DSG3: variants seen among roughly 807,000 people sequenced by gnomAD.
The protein encoded by DSG3 is desmoglein-3.
A neutral mutation model predicts 85.9 loss-of-function variants in DSG3; 63 were observed. That is an observed-to-expected ratio of 0.73 (90% CI 0.60 to 0.90). DSG3 has a LOEUF of 0.90. Ranked by LOEUF, DSG3 falls within the 40% of genes least tolerant of loss-of-function variation. The pLI is 0.00. For missense variants in DSG3, 1,220 were observed against 1,219.9 expected, an observed-to-expected ratio of 1.00 and a Z score of 0.00; for synonymous variants, 447 against 441.9, an observed-to-expected ratio of 1.01 and a Z score of -0.14.
chr18:31,457,592 CT>C (rs746014603), intron 3 of DSG3, among the ~76,000 whole-genome samples: 886 of 47,704 alleles, frequency 0.019, 3 homozygotes, highest in Non-Finnish European at 0.027. Flanking sequence ...TTTCTTCTTT[CT>C]TTCTTTCTTT....
At chr18:31,468,561 AT>A (rs1414864021) in intron 11 of DSG3, among the ~76,000 whole-genome samples, 1 of 152,214 alleles carries the variant, frequency 6.6e-6, no homozygotes, top group African/African-American at 2.4e-5. Context: ...TGAACCCATT[AT>A]AGCCCTCATC....
In DSG3 at chr18:31,472,460, C is replaced by T. The variant is rs768081908; in HGVS notation, c.2037+37C>T. 5 of 1,586,728 alleles carry T rather than the reference C, an allele frequency of 3.2e-6. No individual in the cohort carries two copies. In the South Asian group the frequency reaches 5.8e-5, roughly 18 times the overall value. ...GTTCATAAATTATGTATTTCAATTA[C>T]ATAGAGAAAATGTTTGATTTACATT... is the stretch of plus-strand genomic sequence containing the variant. On this transcript the variant is annotated intron_variant, in intron 13 of 15. Transcript: ENST00000257189.
chr18:31,452,445 G>C (rs1441768952), intron 1 of DSG3, among the ~76,000 whole-genome samples: 1 of 149,024 alleles, frequency 6.7e-6, no homozygotes, highest in Non-Finnish European at 1.5e-5. Flanking sequence ...CTTGAACCCG[G>C]GAGGCAGAAC....
intron 10 of DSG3, among the ~76,000 whole-genome samples, chr18:31,466,166 C>G (rs2072817204): frequency 6.6e-6 from 1 of 151,882 alleles, no homozygotes; most frequent in Non-Finnish European, 1.5e-5. Flanking sequence ...AAAATGTGTG[C>G]TTTAGAAGCA....
chr18:31,467,550 C>G (rs1463541685), intron 11 of DSG3, among the ~76,000 whole-genome samples: 1 of 152,160 alleles, frequency 6.6e-6, no homozygotes, highest in Non-Finnish European at 1.5e-5. Flanking sequence ...AACCCATTAT[C>G]CAACAGGGAG....
At position 31,464,163 on chromosome 18, in the gene DSG3, AC is replaced by A; in HGVS notation, c.1053del (p.Asn351LysfsTer24). ...QSVKLSIAVK[N>X]KAEFHQSVIS... ...GTGAAACTTAGTATTGCTGTCAAAA[AC>A]AAAGCTGAATTTCACCAATCAGTTA... On this transcript the variant is annotated frameshift_variant, in exon 9 of 16. Transcript: ENST00000257189. LOFTEE classifies it high-confidence loss of function. The A allele has an allele frequency of 6.2e-7, 1 of 1,614,102 alleles. No individual in the cohort carries two copies. The highest frequency in any genetic ancestry group is 1.1e-5 in the South Asian group (1 of 91,080).
chr18:31,451,899 G>A (rs1031802297), intron 1 of DSG3, among the ~76,000 whole-genome samples: 3 of 152,172 alleles, frequency 2.0e-5, no homozygotes, highest in African/African-American at 7.2e-5. Flanking sequence ...GGTAGCCTAA[G>A]GTGAGGCCTT....
Position 31,460,183 on chromosome 18 carries a change from G to A in DSG3, c.684+172G>A, listed in dbSNP as rs531153409. Among the ~76,000 whole-genome samples, 49 of 152,296 alleles carry A rather than the reference G, an allele frequency of 3.2e-4. 1 individual carries two copies. Among genetic ancestry groups the A allele is most frequent in the African/African-American group, 1.1e-3 (45 of 41,562 alleles). ...TTTTTAAGTGTGATTCTGGTGAGGCGAGATGTGTACCGGGCACCTGCAGAA... is the reference window on the plus strand; with the variant it reads ...TTTTTAAGTGTGATTCTGGTGAGGCAAGATGTGTACCGGGCACCTGCAGAA... On this transcript the variant is annotated intron_variant, in intron 6 of 15. Transcript: ENST00000257189.
Position 31,461,313 on chromosome 18 carries a change from T to C in DSG3, c.900T>C (p.Asn300=), listed in dbSNP as rs774745706. Reference sequence around the variant, plus strand: ...ATTTGGATGAAGAGTACACAGATAATTGGCTTGCAGTATATTTCTTTACCT... The same window carrying C: ...ATTTGGATGAAGAGTACACAGATAACTGGCTTGCAGTATATTTCTTTACCT... ...VTDLDEEYTD[N]WLAVYFFTSG... is the part of the protein sequence containing the mutation. Residue 300 remains asparagine (N), a synonymous_variant, in exon 8 of 16, where the codon AAT becomes AAC. Coordinates refer to ENST00000257189, the MANE Select transcript of DSG3 (RefSeq NM_001944.3). 3 of 1,613,574 alleles carry C rather than the reference T, an allele frequency of 1.9e-6. No homozygotes were observed. The highest frequency in any genetic ancestry group is 2.5e-6 in the Non-Finnish European group (3 of 1,179,654).
Position 31,458,583 on chromosome 18 carries a change from G to C in DSG3, c.355G>C (p.Glu119Gln). 6.2e-7 allele frequency: 1 copy of C among 1,613,284 alleles called. No individual in the cohort carries two copies. ...CATAACAGCTATAGTCGACCGGGAGGAAACTCCAAGCTTCCTGGTAAGTTT... is the reference window on the plus strand; with the variant it reads ...CATAACAGCTATAGTCGACCGGGAGCAAACTCCAAGCTTCCTGGTAAGTTT... ...INITAIVDREETPSFLITCRA... is the reference protein window; with the variant it reads ...INITAIVDREQTPSFLITCRA... Residue 119 changes from glutamate (E) to glutamine (Q), a missense_variant, in exon 4 of 16, where the codon GAA becomes CAA. Transcript: ENST00000257189.
intron 4 of DSG3, 85 bp from the exon 5 acceptor site, chr18:31,458,948 G>A (rs934855991): frequency 1.1e-5 from 16 of 1,465,988 alleles, no homozygotes; most frequent in Middle Eastern, 1.8e-4. Flanking sequence ...TGATGTCCAT[G>A]CCAACAGAGG....
At position 31,460,027 on chromosome 18, in the gene DSG3, TGGGG is replaced by T; in HGVS notation, c.684+18_684+21del. 6.3e-7 allele frequency: 1 copy of T among 1,599,802 alleles called. No homozygotes were observed. The highest frequency in any genetic ancestry group is 8.5e-7 in the Non-Finnish European group (1 of 1,172,426). On this transcript the variant is annotated intron_variant, in intron 6 of 15. Transcript: ENST00000257189. ...TGACCGAGAGGTACAGCAAAGCACT[TGGGG>T]GAACATTCAAGATTAAAGGGTTTGA...
In DSG3 at chr18:31,475,916, C is replaced by T. The variant is rs967778338; in HGVS notation, c.2656C>T (p.His886Tyr). 4 of 1,614,174 alleles carry T rather than the reference C, an allele frequency of 2.5e-6. No homozygotes were observed. Among genetic ancestry groups the T allele is most frequent in the Non-Finnish European group, 2.5e-6 (3 of 1,180,042 alleles). The change falls in exon 16 of 16, where the codon CAT becomes TAT. Residue 886 changes from histidine to tyrosine, a missense_variant. By Grantham distance (83) the His-to-Tyr change is moderately conservative. Coordinates refer to ENST00000257189, the MANE Select transcript of DSG3 (RefSeq NM_001944.3). Reference sequence around the variant, plus strand: ...CGGTTATGGGATTGAATCCTGTGGCCATCCCATAGAAGTCCAGCAGACAGG... The same window carrying T: ...CGGTTATGGGATTGAATCCTGTGGCTATCCCATAGAAGTCCAGCAGACAGG... ...DSGYGIESCGHPIEVQQTGFV... is the reference protein window; with the variant it reads ...DSGYGIESCGYPIEVQQTGFV...
chr18:31,457,570 TTTCTTTCTTTCTTTC>T (rs1373995244), intron 3 of DSG3, among the ~76,000 whole-genome samples: 17 of 94,518 alleles, frequency 1.8e-4, no homozygotes, highest in Middle Eastern at 4.6e-3. Flanking sequence ...TCTTTCTTTC[TTTCTTTCTTTCTTTC>T]TTCTTTCTTT....
chr18:31,474,265 T>C lies in DSG3; in HGVS notation c.2246T>C (p.Phe749Ser), dbSNP rs771845324. ...TGTVSGAASG[F>S]GAATGVGICS... ...ACAGTGTCAGGAGCTGCTTCAGGAT[T>C]CGGAGCAGCCACTGGAGTTGGCATC... The change falls in exon 15 of 16, where the codon TTC becomes TCC. Residue 749 changes from phenylalanine (F) to serine (S), a missense_variant. By Grantham distance (155) the Phe-to-Ser change is radical. Coordinates refer to ENST00000257189, the MANE Select transcript of DSG3 (RefSeq NM_001944.3). 1 of 1,614,040 alleles carries C rather than the reference T, an allele frequency of 6.2e-7. No homozygotes were observed. Among genetic ancestry groups the C allele is most frequent in the Non-Finnish European group, 8.5e-7 (1 of 1,180,040 alleles).
In DSG3 at chr18:31,460,900, G is replaced by C; in HGVS notation, c.752G>C (p.Cys251Ser). 6.2e-7 allele frequency: 1 copy of C among 1,605,514 alleles called. No individual in the cohort carries two copies. The highest frequency in any genetic ancestry group is 8.5e-7 in the Non-Finnish European group (1 of 1,177,206). The change falls in exon 7 of 16, where the codon TGT (cysteine) becomes TCT (serine). Residue 251 changes from cysteine (C) to serine (S), a missense_variant. Coordinates refer to ENST00000257189, the MANE Select transcript of DSG3 (RefSeq NM_001944.3). The part of the protein sequence containing the change: ...DKDGEGLSTQ[C>S]ECNIKVKDVN... ...GATGGAGAAGGACTATCAACTCAATGTGAATGTAATATTAAAGTGAAAGAT... is the reference window on the plus strand; with the variant it reads ...GATGGAGAAGGACTATCAACTCAATCTGAATGTAATATTAAAGTGAAAGAT...
intron 5 of DSG3, 144 bp downstream of exon 5, chr18:31,459,321 G>T: frequency 3.8e-6 from 3 of 789,612 alleles, no homozygotes; most frequent in Admixed American, 3.3e-5. Flanking sequence ...GATAAATCTG[G>T]GTCTTCCTTT....
At position 31,464,208 on chromosome 18, in the gene DSG3, A is replaced by C. The variant is rs755798646; in HGVS notation, c.1097A>C (p.Gln366Pro). 1 of 1,614,086 alleles carries C rather than the reference A, an allele frequency of 6.2e-7. No homozygotes were observed. The highest frequency in any genetic ancestry group is 8.5e-7 in the Non-Finnish European group (1 of 1,180,036). The stretch of plus-strand genomic sequence containing the variant: ...TCAGTTATCTCTCGATACCGAGTTC[A>C]GTCAACCCCAGTCACAATTCAGGTA... ...HQSVISRYRV[Q>P]STPVTIQVIN... Residue 366 changes from glutamine to proline, a missense_variant, in exon 9 of 16, where the codon CAG becomes CCG. Gln to Pro is a moderately conservative substitution (Grantham distance 76). Coordinates refer to ENST00000257189, the MANE Select transcript of DSG3 (RefSeq NM_001944.3).
rs3794925 is a variant in DSG3 at position 31,467,004 on chromosome 18, T to C, written c.1636+250T>C. On this transcript the variant is annotated intron_variant, in intron 11 of 15. Transcript: ENST00000257189. ...TCGTTTGATATTTTAACATTTTAAA[T>C]CTGTTTATTTCTACTTCCATAGTGC... Among the ~76,000 whole-genome samples the C allele has an allele frequency of 0.27, 41,676 of 152,084 alleles. 5,832 individuals are homozygous for C. The highest frequency in any genetic ancestry group is 0.3 in the Middle Eastern group (89 of 294).
Sources: gnomAD v4.1 joint callset for allele counts (sites outside exome capture counted in the v4.1 genomes callset) on GRCh38, gnomAD v4.1.1 for gene constraint, MANE v1.5 for transcripts, NCBI Gene and HGNC (gene_info 2026-07-23, HGNC 2026-07-21) for gene names.